The following BTBD1 variants were observed in gnomAD, a reference collection of about 807,000 sequenced individuals.
The protein encoded by BTBD1 is BTB/POZ domain-containing protein 1.
A neutral mutation model predicts 48.0 loss-of-function variants in BTBD1; 34 were observed. The ratio of observed to expected loss-of-function variants is 0.71; its 90% CI spans 0.54 to 0.94. The LOEUF (loss-of-function observed/expected upper bound fraction) is 0.94, where lower values mean the gene tolerates loss of function less well. Among genes scored for constraint, BTBD1 ranks in the 40% least tolerant of loss-of-function variants. The probability of loss-of-function intolerance (pLI) is 0.00; values close to 1 mark genes in which losing one functional copy is unlikely to be tolerated. For synonymous variants in BTBD1, 261 were observed against 242.1 expected (o/e 1.08, Z -0.72); for missense variants, 543 against 625.6 (o/e 0.87, Z 1.41).
intron 1 of BTBD1, chr15:83,061,418 T>C (rs1480761965): frequency 6.6e-6 from 1 of 152,234 alleles, no homozygotes; most frequent in Non-Finnish European, 1.5e-5. Flanking sequence ...TAGGCACTCA[T>C]ATCTAATAAC....
chr15:83,055,855 G>A (rs1479129140), intron 2 of BTBD1, among the ~76,000 whole-genome samples: 2 of 152,090 alleles, frequency 1.3e-5, no homozygotes, highest in African/African-American at 4.8e-5. Flanking sequence ...ATTCTAAATA[G>A]TTATCTAACC....
At chr15:83,064,931 A>T (rs80342656) in intron 1 of BTBD1, among the ~76,000 whole-genome samples, 4,800 of 152,290 alleles carry the variant, frequency 0.032, 236 homozygotes, top group African/African-American at 0.11. Flanking sequence ...GAAGAAAAAA[A>T]GGTACTTTCA....
At chr15:83,027,353 AAAAC>A (rs1274776564) in intron 5 of BTBD1, among the ~76,000 whole-genome samples, 7 of 152,200 alleles carry the variant, frequency 4.6e-5, no homozygotes, top group African/African-American at 1.2e-4. Flanking sequence ...ACTCTATCTC[AAAAC>A]AAACAAACAA....
At chr15:83,033,951 C>T (rs2032574235) in intron 4 of BTBD1, among the ~76,000 whole-genome samples, 1 of 151,538 alleles carries the variant, frequency 6.6e-6, no homozygotes, top group South Asian at 2.1e-4. Context: ...GGGCAACCCA[C>T]TAAAATAATA....
intron 4 of BTBD1, among the ~76,000 whole-genome samples, chr15:83,040,518 T>C (rs1219197619): frequency 6.6e-6 from 1 of 151,514 alleles, no homozygotes. Context: ...GCTTGACAAA[T>C]ATGGTGAAAC....
intron 4 of BTBD1, among the ~76,000 whole-genome samples, chr15:83,040,898 GGCTTACACCTGTAAT>G (rs1223683379): frequency 1.3e-5 from 2 of 151,746 alleles, no homozygotes; most frequent in Admixed American, 1.3e-4. Context: ...TGGGCGTGGT[GGCTTACACCTGTAAT>G]CCCAGCACTT....
In BTBD1 at chr15:83,067,092, C is replaced by T; in HGVS notation, c.60G>A (p.Pro20=). ...GCGGCGGCGGCGGCCCCGCGGGGCC[C>T]GGCTCCGCCTCAGCCCCCGACGCCT... The part of the protein sequence containing the change: ...GEQASGAEAE[P]GPAGPPPPPS... Residue 20 remains proline (P), a synonymous_variant, in exon 1 of 8, where the codon CCG becomes CCA. Coordinates refer to ENST00000261721, the MANE Select transcript of BTBD1 (RefSeq NM_025238.4). 4 of 1,516,208 alleles carry T rather than the reference C, an allele frequency of 2.6e-6. No homozygotes were observed. The highest frequency in any genetic ancestry group is 2.7e-5 in the East Asian group (1 of 37,102). The allele number at this position is 1,516,208 out of a possible 1,614,324, so 93.9% of individuals were successfully genotyped here. A position where few individuals can be genotyped will look rare whatever the true frequency, so the allele number is the denominator to read the frequency against.
At chr15:83,031,269 T>C (rs1018964454) in intron 4 of BTBD1, among the ~76,000 whole-genome samples, 1 of 152,246 alleles carries the variant, frequency 6.6e-6, no homozygotes, top group African/African-American at 2.4e-5. Context: ...TGCATTTTGC[T>C]GATGGCCAGT....
intron 5 of BTBD1, among the ~76,000 whole-genome samples, chr15:83,027,367 A>C (rs1304328627): frequency 2.0e-5 from 3 of 152,136 alleles, no homozygotes; most frequent in African/African-American, 7.2e-5. Context: ...CAAACAAACA[A>C]ACACCTCGTC....
intron 3 of BTBD1, among the ~76,000 whole-genome samples, chr15:83,046,909 T>C (rs1381492599): frequency 1.3e-5 from 2 of 152,130 alleles, no homozygotes; most frequent in Non-Finnish European, 2.9e-5. Context: ...GAGGGTGGGG[T>C]ATCAGCTCCC....
At chr15:83,035,469 ATTAAG>A (rs974135870) in intron 4 of BTBD1, among the ~76,000 whole-genome samples, 10 of 151,980 alleles carry the variant, frequency 6.6e-5, no homozygotes, top group African/African-American at 2.2e-4. Context: ...ATATTTGGAA[ATTAAG>A]TTATCTATAA....
chr15:83,031,587 T>C (rs532784041), intron 4 of BTBD1, among the ~76,000 whole-genome samples: 23 of 152,102 alleles, frequency 1.5e-4, no homozygotes, highest in African/African-American at 4.3e-4. Flanking sequence ...GTGAGAACAC[T>C]TGGACACAGG....
At chr15:83,018,605 C>A in intron 7 of BTBD1, 102 bp downstream of exon 7, 1 of 1,335,496 alleles carries the variant, frequency 7.5e-7, no homozygotes. Flanking sequence ...CTTTTCCCCC[C>A]TCTTTATAAA....
At chr15:83,058,652 A>G (rs1198741459) in intron 1 of BTBD1, among the ~76,000 whole-genome samples, 1 of 152,102 alleles carries the variant, frequency 6.6e-6, no homozygotes. Flanking sequence ...TGTTTGAAGG[A>G]CAAGGTAGCA....
intron 3 of BTBD1, among the ~76,000 whole-genome samples, chr15:83,045,089 A>G (rs1371443254): frequency 6.6e-6 from 1 of 152,248 alleles, no homozygotes; most frequent in African/African-American, 2.4e-5. Flanking sequence ...TATACTTTAA[A>G]TTAAATTTAA....
At chr15:83,052,801 T>TTTTTC (rs2033017068) in intron 2 of BTBD1, among the ~76,000 whole-genome samples, 1 of 136,190 alleles carries the variant, frequency 7.3e-6, no homozygotes, top group East Asian at 2.0e-4. Flanking sequence ...CGGCTAATTT[T>TTTTTC]TTTTTTTTTT....
intron 4 of BTBD1, among the ~76,000 whole-genome samples, chr15:83,038,333 T>C (rs1174645102): frequency 6.6e-6 from 1 of 152,116 alleles, no homozygotes; most frequent in East Asian, 1.9e-4. Flanking sequence ...CTTGGTTAGA[T>C]ATATTTTTAC....
intron 1 of BTBD1, among the ~76,000 whole-genome samples, chr15:83,059,103 T>C (rs1047870361): frequency 6.6e-6 from 1 of 152,378 alleles, no homozygotes; most frequent in Non-Finnish European, 1.5e-5. Flanking sequence ...TACAGCAATG[T>C]CTTCTGTATG....
At chr15:83,056,871 A>G (rs1325999587) in intron 1 of BTBD1, among the ~76,000 whole-genome samples, 1 of 151,572 alleles carries the variant, frequency 6.6e-6, no homozygotes, top group African/African-American at 2.4e-5. Context: ...CTAATTTTTT[A>G]TTTTTTGTAG....
Sources: gnomAD v4.1 joint callset for allele counts (sites outside exome capture counted in the v4.1 genomes callset) on GRCh38, gnomAD v4.1.1 for gene constraint, MANE v1.5 for transcripts, NCBI Gene and HGNC (gene_info 2026-07-23, HGNC 2026-07-21) for gene names.